IBTK: variants seen among roughly 807,000 people sequenced by gnomAD.
IBTK encodes inhibitor of Bruton tyrosine kinase.
A neutral mutation model predicts 154.9 loss-of-function variants in IBTK; 83 were observed. The observed-to-expected ratio is 0.54, with a 90% CI of 0.45 to 0.64. IBTK has a LOEUF of 0.64. IBTK is among the 30% of genes least tolerant of loss of function. IBTK has a pLI of 0.00. For missense variants in IBTK, 1,332 were observed against 1,584.6 expected (o/e 0.84, Z 2.71); for synonymous variants, 515 against 536.1 (o/e 0.96, Z 0.54).
chr6:82,184,830 T>C (rs1768478647), intron 25 of IBTK, among the ~76,000 whole-genome samples: 1 of 152,190 alleles, frequency 6.6e-6, no homozygotes, highest in Non-Finnish European at 1.5e-5. Flanking sequence ...TTTGAAGAAG[T>C]AAAATCTTAT....
At chr6:82,231,867 C>T (rs1562104414) in intron 3 of IBTK, 25 bp from the exon 4 acceptor site, 3 of 1,387,476 alleles carry the variant, frequency 2.2e-6, no homozygotes, top group East Asian at 2.5e-5. Flanking sequence ...AGTTTTTATA[C>T]TTTTTTATAT....
In IBTK at chr6:82,202,581, T is replaced by C. The variant is rs1162934681; in HGVS notation, c.2676A>G (p.Lys892=). The change falls in exon 18 of 29, where the codon AAA becomes AAG. Residue 892 remains lysine (K), a synonymous_variant. Transcript: ENST00000306270. ...ATCCTATAAACTGTAAACAAGACAG[T>C]TTCAACTGTTTTGCACTATACATTG... The part of the protein sequence containing the change: ...FAAMYSAKQL[K]LSCLQFIGLN... 6.2e-7 allele frequency: 1 copy of C among 1,611,688 alleles called. No individual in the cohort carries two copies. Among genetic ancestry groups the C allele is most frequent in the Admixed American group, 1.7e-5 (1 of 59,532 alleles).
At position 82,220,124 on chromosome 6, in the gene IBTK, C is replaced by T. The variant is rs529473993; in HGVS notation, c.1248+466G>A. Among the ~76,000 whole-genome samples, 175 of 152,184 alleles carry T rather than the reference C, an allele frequency of 1.1e-3. 1 individual carries two copies. The highest frequency in any genetic ancestry group is 4.2e-3 in the African/African-American group (173 of 41,508). On this transcript the variant is annotated intron_variant, in intron 9 of 28. Transcript: ENST00000306270. ...ACTCAGGAGGCTGAGACATGAGAAT[C>T]GCCTGAACCCAGGAGGTGGAGGTTG...
chr6:82,217,939 T>C (rs757579158), intron 10 of IBTK, 21 bp downstream of exon 10: 1 of 1,478,086 alleles, frequency 6.8e-7, no homozygotes, highest in South Asian at 1.4e-5. Context: ...CTTTTACGTA[T>C]TGTTCAATAT....
chr6:82,208,333 C>T (rs1008822842), intron 16 of IBTK, among the ~76,000 whole-genome samples: 4 of 151,902 alleles, frequency 2.6e-5, no homozygotes, highest in Admixed American at 1.3e-4. Context: ...GGATCAAAGA[C>T]CTACATGTGA....
At position 82,186,559 on chromosome 6, in the gene IBTK, T is replaced by C. The variant is rs1349310842; in HGVS notation, c.3575+4514A>G. 2.0e-5 allele frequency among the ~76,000 whole-genome samples: 3 copies of C among 152,196 alleles called. No individual in the cohort carries two copies. The East Asian group carries it at 5.8e-4, about 29-fold the overall frequency. On this transcript the variant is annotated intron_variant, in intron 25 of 28. Transcript: ENST00000306270. ...GCACCAGGAAACCAAAAATTTCTTG[T>C]GACTTGCTTTATTGCGATGTTTGCT...
In IBTK at chr6:82,240,400, G is replaced by T; in HGVS notation, c.87C>A (p.Ser29Arg). 3 of 1,614,092 alleles carry T rather than the reference G, an allele frequency of 1.9e-6. No individual in the cohort carries two copies. The highest frequency in any genetic ancestry group is 2.5e-6 in the Non-Finnish European group (3 of 1,180,008). ...LDVLSVVTKGSENQIKAFLSS... is the reference protein window; with the variant it reads ...LDVLSVVTKGRENQIKAFLSS... ...AGAGAAAGGCCTTAATCTGGTTTTC[G>T]CTCCCCTTTGTTACCACAGAAAGGA... The change falls in exon 2 of 29, where the codon AGC becomes AGA. Residue 29 changes from serine to arginine, a missense_variant. Around this residue, in one of 3 missense-constraint regions of IBTK, gnomAD observed 84 missense variants for 96.2 expected, o/e 0.87. Coordinates refer to ENST00000306270, the MANE Select transcript of IBTK (RefSeq NM_015525.4).
At position 82,171,317 on chromosome 6, in the gene IBTK, TAATC is replaced by T. The variant is rs1767921470; in HGVS notation, c.*104_*107del. On this transcript the variant is annotated 3_prime_UTR_variant, in exon 29 of 29. Coordinates refer to ENST00000306270, the MANE Select transcript of IBTK (RefSeq NM_015525.4). ...GCAGTAAAGAAATTATATCTTTTCT[TAATC>T]TATTTAGAATGATATTACAAAATCT... is the stretch of plus-strand genomic sequence containing the variant. 8 of 783,958 alleles carry T rather than the reference TAATC, an allele frequency of 1.0e-5. 1 individual carries two copies. The highest frequency in any genetic ancestry group is 9.8e-6 in the Non-Finnish European group (5 of 510,050). 48.6% of individuals were successfully genotyped at this position (783,958 alleles called of 1,614,324 possible). A position where few individuals can be genotyped will look rare whatever the true frequency, so the allele number is the denominator to read the frequency against.
chr6:82,188,406 T>A (rs1031874026), intron 25 of IBTK, among the ~76,000 whole-genome samples: 1 of 152,350 alleles, frequency 6.6e-6, no homozygotes, highest in South Asian at 2.1e-4. Flanking sequence ...TTCATTACTC[T>A]GTAGTATTCT....
chr6:82,245,655 T>C (rs993361319), intron 1 of IBTK, among the ~76,000 whole-genome samples: 1 of 152,146 alleles, frequency 6.6e-6, no homozygotes, highest in African/African-American at 2.4e-5. Context: ...TAGAATCATC[T>C]TGGTCCATTC....
At chr6:82,181,783 C>T in intron 26 of IBTK, 96 bp downstream of exon 26, 1 of 810,218 alleles carries the variant, frequency 1.2e-6, no homozygotes, top group East Asian at 2.9e-5. Flanking sequence ...TACAAAAAAT[C>T]TGCCTCATAA....
intron 21 of IBTK, among the ~76,000 whole-genome samples, chr6:82,197,294 G>C (rs536971796): frequency 6.6e-6 from 1 of 151,586 alleles, no homozygotes; most frequent in African/African-American, 2.4e-5. Flanking sequence ...ACCTTAACAA[G>C]CTAAATGTTT....
chr6:82,187,042 A>G (rs1373044409), intron 25 of IBTK, among the ~76,000 whole-genome samples: 5 of 151,494 alleles, frequency 3.3e-5, no homozygotes, highest in Non-Finnish European at 7.4e-5. Context: ...CAGCCTCCCA[A>G]GTAGCTGGGA....
intron 18 of IBTK, 92 bp from the exon 19 acceptor site, chr6:82,201,574 A>G (rs1217581307): frequency 5.0e-6 from 4 of 800,946 alleles, no homozygotes; most frequent in Non-Finnish European, 7.9e-6. Flanking sequence ...ATATTGCTAG[A>G]TAAGTAACAA....
At position 82,224,157 on chromosome 6, in the gene IBTK, G is replaced by A. The variant is rs769019007; in HGVS notation, c.854C>T (p.Thr285Ile). The part of the protein sequence containing the change: ...QIQAKYLKGR[T>I]IIGVAAGRFH... ...CCTGCCTGCTGCAACGCCAATGATT[G>A]TCCTTCCTTTCAGATATTTTGCCTG... Residue 285 changes from threonine (T) to isoleucine (I), a missense_variant, in exon 7 of 29, where the codon ACA becomes ATA. Transcript: ENST00000306270. 6.2e-7 allele frequency: 1 copy of A among 1,613,844 alleles called. No individual in the cohort carries two copies. The highest frequency in any genetic ancestry group is 8.5e-7 in the Non-Finnish European group (1 of 1,179,806).
rs758481967 is a variant in IBTK at position 82,231,856 on chromosome 6, T to C, written c.419-14A>G. The C allele has an allele frequency of 1.5e-5, 22 of 1,476,590 alleles. No individual in the cohort carries two copies. The South Asian group carries it at 1.8e-4, about 12-fold the overall frequency. The allele number at this position is 1,476,590 out of a possible 1,614,324, so 91.5% of individuals were successfully genotyped here. On this transcript the variant is annotated splice_polypyrimidine_tract_variant and intron_variant, in intron 3 of 28. Transcript: ENST00000306270. ...CATCTGTAGGATCTAAAATAAAAAT[T>C]AGTTTTTATACTTTTTTATATTTTA... is the stretch of plus-strand genomic sequence containing the variant.
At position 82,240,132 on chromosome 6, in the gene IBTK, C is replaced by G. The variant is rs1180432705; in HGVS notation, c.321+34G>C. On this transcript the variant is annotated intron_variant, in intron 2 of 28. Coordinates refer to ENST00000306270, the MANE Select transcript of IBTK (RefSeq NM_015525.4). ...ATGATTAAGAAAAACATATTCCAGA[C>G]TAAATACGTTTAAAATAAACAAATG... The G allele has an allele frequency of 2.6e-6, 4 of 1,534,194 alleles. No individual in the cohort carries two copies. The African/African-American group carries it at 5.5e-5, about 21-fold the overall frequency.
intron 6 of IBTK, among the ~76,000 whole-genome samples, chr6:82,225,044 AATC>A (rs964895076): frequency 1.3e-5 from 2 of 152,152 alleles, no homozygotes; most frequent in African/African-American, 4.8e-5. Context: ...TCACACCTGT[AATC>A]CCAGCACTTT....
At chr6:82,241,817 G>C (rs572652916) in intron 1 of IBTK, among the ~76,000 whole-genome samples, 1 of 152,150 alleles carries the variant, frequency 6.6e-6, no homozygotes, top group East Asian at 1.9e-4. Flanking sequence ...GAGAAAATTG[G>C]CTATAAGAAG....
Sources: gnomAD v4.1 joint callset for allele counts (sites outside exome capture counted in the v4.1 genomes callset) on GRCh38, gnomAD v4.1.1 for gene constraint, gnomAD v4.1.1 regional missense constraint, MANE v1.5 for transcripts, NCBI Gene and HGNC (gene_info 2026-07-23, HGNC 2026-07-21) for gene names.